Variants in LNX2 observed in about 807,000 individuals in gnomAD.
LNX2 encodes ligand of numb-protein X 2, also known as ligand of Numb protein X 2.
In LNX2, 35 loss-of-function variants were observed where a neutral mutation model predicts 66.2. The ratio of observed to expected loss-of-function variants is 0.53; its 90% confidence interval spans 0.40 to 0.70. LNX2 has a LOEUF of 0.70. Among genes scored for constraint, LNX2 ranks in the 30% least tolerant of loss-of-function variants. The pLI is 0.00. For synonymous variants in LNX2, 337 were observed against 315.6 expected (o/e 1.07, Z -0.72); for missense variants, 791 against 850.8 (o/e 0.93, Z 0.87).
At chr13:27,579,925 C>T (rs932374687) in intron 2 of LNX2, among the ~76,000 whole-genome samples, 1 of 152,168 alleles carries the variant, frequency 6.6e-6, no homozygotes, top group African/African-American at 2.4e-5. Flanking sequence ...TGCAATGCTA[C>T]ATTATTACAC....
intron 2 of LNX2, among the ~76,000 whole-genome samples, chr13:27,578,758 A>C (rs77338524): frequency 0.044 from 6,680 of 152,314 alleles, 206 homozygotes; most frequent in Non-Finnish European, 0.067. Flanking sequence ...GTGAATGAAG[A>C]AACCATCTTG....
At chr13:27,572,836 T>C (rs1160865594) in intron 2 of LNX2, among the ~76,000 whole-genome samples, 1 of 152,174 alleles carries the variant, frequency 6.6e-6, no homozygotes, top group African/African-American at 2.4e-5. Context: ...TACTAACCAC[T>C]GCACAATGCC....
intron 1 of LNX2, among the ~76,000 whole-genome samples, chr13:27,615,802 A>G (rs555622299): frequency 6.6e-6 from 1 of 152,298 alleles, no homozygotes; most frequent in Non-Finnish European, 1.5e-5. Context: ...AGAACAGGGA[A>G]CAGTTCAAGC....
chr13:27,550,230 A>C, intron 9 of LNX2, 103 bp downstream of exon 9: 1 of 1,048,316 alleles, frequency 9.5e-7, no homozygotes, highest in Non-Finnish European at 1.4e-6. Context: ...CTTTATTTTC[A>C]AAAAGATAAT....
At chr13:27,577,308 G>GA (rs1257501608) in intron 2 of LNX2, among the ~76,000 whole-genome samples, 5 of 152,080 alleles carry the variant, frequency 3.3e-5, no homozygotes, top group African/African-American at 1.2e-4. Context: ...CACCATACAT[G>GA]AAAAAACAAT....
At position 27,583,212 on chromosome 13, in the gene LNX2, G is replaced by C. The variant is rs1566124683; in HGVS notation, c.-100-1409C>G. 2.4e-3 allele frequency among the ~76,000 whole-genome samples: 56 copies of C among 22,876 alleles called. 12 individuals carry two copies. The highest frequency in any genetic ancestry group is 8.9e-3 in the African/African-American group (49 of 5,530). The allele number at this position is 22,876 out of a possible 152,430, so 15.0% of individuals were successfully genotyped here. On this transcript the variant is annotated intron_variant, in intron 1 of 9. Coordinates refer to ENST00000316334, the MANE Select transcript of LNX2 (RefSeq NM_153371.4). ...TGTGTGTGTGTGTGTGTGTGTGTGT[G>C]TGTGTGTGTGTGTGTGTGTGTGTGT...
intron 5 of LNX2, among the ~76,000 whole-genome samples, chr13:27,560,565 G>GTGTATA (rs35007288): frequency 6.2e-4 from 74 of 120,010 alleles, no homozygotes; most frequent in Middle Eastern, 4.8e-3. Context: ...ATGTATGTGT[G>GTGTATA]TATATATATA....
At chr13:27,576,174 C>A (rs1322332750) in intron 2 of LNX2, among the ~76,000 whole-genome samples, 1 of 152,052 alleles carries the variant, frequency 6.6e-6, no homozygotes. Flanking sequence ...CAAACAATGG[C>A]CCCAAAATAC....
At chr13:27,566,319 G>A (rs1955205281) in intron 4 of LNX2, among the ~76,000 whole-genome samples, 1 of 152,214 alleles carries the variant, frequency 6.6e-6, no homozygotes, top group Admixed American at 6.5e-5. Context: ...AGGGAAGGAA[G>A]AAGACTGCTA....
intron 9 of LNX2, among the ~76,000 whole-genome samples, chr13:27,549,416 T>G (rs921602915): frequency 3.3e-5 from 5 of 152,232 alleles, no homozygotes; most frequent in African/African-American, 1.2e-4. Flanking sequence ...TTCTCTTTTC[T>G]TCTCCCAGTG....
rs952240522 is a variant in LNX2, at chr13:27,547,932, C to T, written c.*403G>A. 17 of 179,108 alleles carry T rather than the reference C, an allele frequency of 9.5e-5. No homozygotes were observed. The highest frequency in any genetic ancestry group is 5.9e-4 in the East Asian group (4 of 6,748). 11.1% of individuals were successfully genotyped at this position (179,108 alleles called of 1,614,324 possible). On this transcript the variant is annotated 3_prime_UTR_variant, in exon 10 of 10. Coordinates refer to ENST00000316334, the MANE Select transcript of LNX2 (RefSeq NM_153371.4). ...TATTGGTTATGACAGTGGCAGTACA[C>T]GCTGTTGTTACTGGCTTTGCTGACA... is the stretch of plus-strand genomic sequence containing the variant.
chr13:27,570,710 C>G (rs1308218970), intron 2 of LNX2, among the ~76,000 whole-genome samples: 4 of 152,040 alleles, frequency 2.6e-5, no homozygotes, highest in Non-Finnish European at 5.9e-5. Flanking sequence ...GAGGCTAAAA[C>G]TAGACCATAA....
At chr13:27,606,281 T>C (rs1178336448) in intron 1 of LNX2, among the ~76,000 whole-genome samples, 2 of 151,792 alleles carry the variant, frequency 1.3e-5, no homozygotes, top group Non-Finnish European at 2.9e-5. Flanking sequence ...CTAGTAAATA[T>C]CCTATTTTAA....
Position 27,581,364 on chromosome 13 carries a change from A to G in LNX2, c.340T>C (p.Cys114Arg), listed in dbSNP as rs775030881. The stretch of plus-strand genomic sequence containing the variant: ...TCTTTGCACACTGAAGAAAATGGAC[A>G]TAAAACTAATAATTTGTCTAGGAGT... ...HKLLDKLLVL[C>R]PFSSVCKDVM... Residue 114 changes from cysteine to arginine, a missense_variant, in exon 2 of 10, where the codon TGT becomes CGT. Cys to Arg is a radical substitution (Grantham distance 180). Coordinates refer to ENST00000316334, the MANE Select transcript of LNX2 (RefSeq NM_153371.4). The G allele has an allele frequency of 6.3e-7, 1 of 1,575,248 alleles. No homozygotes were observed. The highest frequency in any genetic ancestry group is 1.2e-5 in the South Asian group (1 of 86,474).
chr13:27,556,018 C>G (rs1955055815), intron 7 of LNX2, among the ~76,000 whole-genome samples: 1 of 152,100 alleles, frequency 6.6e-6, no homozygotes, highest in Non-Finnish European at 1.5e-5. Context: ...TAACTGTTAG[C>G]AAATTCTGGA....
chr13:27,615,898 T>C (rs1162668186), intron 1 of LNX2, among the ~76,000 whole-genome samples: 3 of 152,096 alleles, frequency 2.0e-5, no homozygotes, highest in South Asian at 2.1e-4. Flanking sequence ...CCAAGCCAGA[T>C]CAAAGCCAAT....
intron 1 of LNX2, among the ~76,000 whole-genome samples, chr13:27,598,488 A>ACC (rs1271003611): frequency 6.6e-6 from 1 of 152,156 alleles, no homozygotes; most frequent in Admixed American, 6.5e-5. Context: ...ATAGATTGGG[A>ACC]GAGGGAATGA....
intron 1 of LNX2, among the ~76,000 whole-genome samples, chr13:27,605,172 A>T (rs1468138668): frequency 1.3e-5 from 2 of 152,190 alleles, no homozygotes; most frequent in Non-Finnish European, 2.9e-5. Context: ...AAATTAAACA[A>T]CGAAGAAGTT....
chr13:27,561,303 T>C (rs1955132619), intron 5 of LNX2, among the ~76,000 whole-genome samples: 1 of 152,228 alleles, frequency 6.6e-6, no homozygotes, highest in African/African-American at 2.4e-5. Context: ...CTTATTGATC[T>C]GGCCTCTCAC....
Sources: allele counts gnomAD v4.1 joint callset (sites outside exome capture counted in the v4.1 genomes callset), GRCh38; gene constraint gnomAD v4.1.1; transcripts MANE v1.5; gene names NCBI Gene and HGNC (gene_info 2026-07-23, HGNC 2026-07-21).